Variants in SEMA4F observed in about 807,000 individuals in gnomAD.
SEMA4F encodes ssemaphorin 4F, also known as semaphorin-4F.
Under a neutral mutation model 78.4 loss-of-function variants are expected in SEMA4F, and 51 were observed. The ratio of observed to expected loss-of-function variants is 0.65; its 90% CI spans 0.52 to 0.82. SEMA4F has a LOEUF of 0.82. SEMA4F is among the 40% of genes least tolerant of loss of function. The pLI, the probability that SEMA4F is intolerant of heterozygous loss-of-function variation, is 0.00. For missense variants in SEMA4F, 938 were observed against 1,014.4 expected, an observed-to-expected ratio of 0.92 and a Z score of 1.02; for synonymous variants, 418 against 408.7, an observed-to-expected ratio of 1.02 and a Z score of -0.27.
At chr2:74,691,811 G>T in the SEMA4F span, among the ~76,000 whole-genome samples, 1 of 152,210 alleles carries the variant, frequency 6.6e-6, no homozygotes, top group African/African-American at 2.4e-5. Context: ...TAGGAAGCTG[G>T]TTCTGGATAG....
At position 74,675,509 on chromosome 2, in the gene SEMA4F, C is replaced by G. The variant is rs748006441; in HGVS notation, c.1373-16C>G. On this transcript the variant is annotated splice_polypyrimidine_tract_variant and intron_variant, in intron 10 of 13. Coordinates refer to ENST00000357877, the MANE Select transcript of SEMA4F (RefSeq NM_004263.5). ...GGCAATTATGTAATTATTCTTGTTC[C>G]TTTCCTGTCCCCTAGAGGATGGACA... The G allele has an allele frequency of 1.2e-6, 2 of 1,611,498 alleles. No homozygotes were observed. Among genetic ancestry groups the G allele is most frequent in the Admixed American group, 3.3e-5 (2 of 60,028 alleles).
At chr2:74,694,030 A>G in the SEMA4F span, among the ~76,000 whole-genome samples, 1 of 152,344 alleles carries the variant, frequency 6.6e-6, no homozygotes, top group South Asian at 2.1e-4. Context: ...ATAGATTACT[A>G]ACAGATAAAC....
At chr2:74,655,306 T>C in intron 1 of SEMA4F, 2 of 405,000 alleles carry the variant, frequency 4.9e-6, no homozygotes, top group Non-Finnish European at 1.0e-5. Context: ...TATGATCCTT[T>C]GAAAAGATGT....
chr2:74,679,416 T>A, intron 13 of SEMA4F, 82 bp downstream of exon 13: 2 of 1,492,620 alleles, frequency 1.3e-6, no homozygotes, highest in Non-Finnish European at 1.9e-6. Flanking sequence ...TTGGAACGAT[T>A]CTAAACCTTG....
intron 3 of SEMA4F, 108 bp from the exon 4 acceptor site, chr2:74,657,744 CA>C: frequency 1.5e-6 from 2 of 1,355,534 alleles, no homozygotes; most frequent in Non-Finnish European, 2.1e-6. Context: ...AACACCATGC[CA>C]TCACCCATCA....
chr2:74,700,062 T>G, the SEMA4F span, among the ~76,000 whole-genome samples: 3 of 151,842 alleles, frequency 2.0e-5, no homozygotes. Flanking sequence ...GTGGAAGATA[T>G]GCGGAGAATG....
At chr2:74,691,950 C>T in the SEMA4F span, among the ~76,000 whole-genome samples, 1 of 152,174 alleles carries the variant, frequency 6.6e-6, no homozygotes, top group African/African-American at 2.4e-5. Context: ...CATTGGAATG[C>T]TCCTGTCGGG....
chr2:74,660,862 G>A (rs1389370187), intron 4 of SEMA4F, among the ~76,000 whole-genome samples: 3 of 152,186 alleles, frequency 2.0e-5, no homozygotes, highest in African/African-American at 7.2e-5. Flanking sequence ...ATGGGCTAGA[G>A]TTTAGAAGAT....
At position 74,675,810 on chromosome 2, in the gene SEMA4F, G is replaced by A. The variant is rs778118707; in HGVS notation, c.1544G>A (p.Arg515His). Residue 515 changes from arginine (R) to histidine (H), a missense_variant, in exon 12 of 14, where the codon CGT (arginine) becomes CAT (histidine). Arg to His is a conservative substitution (Grantham distance 29, BLOSUM62 0). Coordinates refer to ENST00000357877, the MANE Select transcript of SEMA4F (RefSeq NM_004263.5). Reference sequence around the variant, plus strand: ...CAAGTGAATACAACCAACTGTGGCCGTCTCCAGAGCTGCTCAGAGTGCATC... The same window carrying A: ...CAAGTGAATACAACCAACTGTGGCCATCTCCAGAGCTGCTCAGAGTGCATC... ...VTQVNTTNCG[R>H]LQSCSECILA... The A allele has an allele frequency of 2.3e-5, 37 of 1,614,106 alleles. No homozygotes were observed. The highest frequency in any genetic ancestry group is 1.6e-4 in the Middle Eastern group (1 of 6,084).
the SEMA4F span, among the ~76,000 whole-genome samples, chr2:74,690,523 A>G: frequency 2.6e-5 from 4 of 152,238 alleles, no homozygotes; most frequent in Non-Finnish European, 4.4e-5. Context: ...TAATGATGTT[A>G]TTAGAGGATA....
At chr2:74,684,927 G>A (rs575942152), downstream of SEMA4F, among the ~76,000 whole-genome samples, 3 of 152,326 alleles carry the variant, frequency 2.0e-5, no homozygotes, top group African/African-American at 7.2e-5. Flanking sequence ...AGCCATGATC[G>A]TGCCACTGCA....
chr2:74,654,358 C>A lies in SEMA4F; in HGVS notation c.-19C>A. On this transcript the variant is annotated 5_prime_UTR_variant, in exon 1 of 14. Transcript: ENST00000357877. ...GAGGCCGTAGCTTGCGCCGCACCCG[C>A]GGCCAGGCGGAGCCAAAGATGCCGG... 6.8e-7 allele frequency: 1 copy of A among 1,474,090 alleles called. No homozygotes were observed. Among genetic ancestry groups the A allele is most frequent in the Non-Finnish European group, 8.9e-7 (1 of 1,120,002 alleles). The allele number at this position is 1,474,090 out of a possible 1,614,324, so 91.3% of individuals were successfully genotyped here.
At chr2:74,684,147 A>G (rs1271815656), downstream of SEMA4F, among the ~76,000 whole-genome samples, 1 of 150,980 alleles carries the variant, frequency 6.6e-6, no homozygotes, top group Non-Finnish European at 1.5e-5. Context: ...AATATAGGTC[A>G]TCATAGATTG....
At chr2:74,671,053 CT>C (rs1394269619) in intron 5 of SEMA4F, among the ~76,000 whole-genome samples, 1 of 151,958 alleles carries the variant, frequency 6.6e-6, no homozygotes, top group Non-Finnish European at 1.5e-5. Context: ...TATCTCTATT[CT>C]GCATTTGAGG....
intron 4 of SEMA4F, among the ~76,000 whole-genome samples, chr2:74,660,920 G>A (rs1269531664): frequency 6.6e-6 from 1 of 152,168 alleles, no homozygotes; most frequent in Non-Finnish European, 1.5e-5. Context: ...ATATCTGGCT[G>A]GAAAGAATGA....
In SEMA4F at chr2:74,673,777, A is replaced by G; in HGVS notation, c.771A>G (p.Ala257=). ...IYFFFTETSR[A]FDSYERIKVP... is the part of the protein sequence containing the mutation. ...TCTTCTTTACGGAGACTTCCCGAGC[A>G]TTTGACTCATACGAGCGCATTAAAG... Residue 257 remains alanine (A), a synonymous_variant, in exon 7 of 14, where the codon GCA becomes GCG. Transcript: ENST00000357877. 6 of 1,614,190 alleles carry G rather than the reference A, an allele frequency of 3.7e-6. No individual in the cohort carries two copies. The highest frequency in any genetic ancestry group is 5.1e-6 in the Non-Finnish European group (6 of 1,180,032).
the SEMA4F span, among the ~76,000 whole-genome samples, chr2:74,694,956 G>A: frequency 7.9e-5 from 12 of 152,314 alleles, no homozygotes. Context: ...TTGCTTCCAG[G>A]TTTTGGCAAT....
At chr2:74,661,856 G>T (rs1056852213) in intron 4 of SEMA4F, among the ~76,000 whole-genome samples, 28 of 152,206 alleles carry the variant, frequency 1.8e-4, no homozygotes, top group African/African-American at 6.8e-4. Context: ...GCCCACGCCA[G>T]TTTGTGAACT....
rs909689691 is a variant in SEMA4F, at chr2:74,654,317, C to A, written c.-60C>A. 1 of 1,389,536 alleles carries A rather than the reference C, an allele frequency of 7.2e-7. No individual in the cohort carries two copies. Among genetic ancestry groups the A allele is most frequent in the Non-Finnish European group, 9.3e-7 (1 of 1,078,126 alleles). 86.1% of individuals were successfully genotyped at this position (1,389,536 alleles called of 1,614,324 possible). On this transcript the variant is annotated 5_prime_UTR_variant, in exon 1 of 14. Transcript: ENST00000357877. The stretch of plus-strand genomic sequence containing the variant: ...CCCGAGTGGGGCCGAGGCCAGTAGC[C>A]CCGGGGCCCTGAGCAGAGGCCGTAG...
Sources: allele counts gnomAD v4.1 joint callset (sites outside exome capture counted in the v4.1 genomes callset), GRCh38; gene constraint gnomAD v4.1.1; transcripts MANE v1.5; gene names NCBI Gene and HGNC (gene_info 2026-07-23, HGNC 2026-07-21).